The following INPP4B variants were observed in gnomAD, a reference collection of about 807,000 sequenced individuals.
The protein encoded by INPP4B is inositol polyphosphate-4-phosphatase type II B, also known as inositol polyphosphate 4-phosphatase type II.
INPP4B carries 55 observed loss-of-function variants against 122.5 expected under a neutral mutation model. The ratio of observed to expected loss-of-function variants is 0.45; its 90% confidence interval spans 0.36 to 0.56. The LOEUF is 0.56. Ranked by LOEUF, INPP4B falls within the 20% of genes least tolerant of loss-of-function variation. The pLI is 0.00. For missense variants in INPP4B, 1,000 were observed against 1,097.7 expected, an observed-to-expected ratio of 0.91 and a Z score of 1.26; for synonymous variants, 403 against 388.7, an observed-to-expected ratio of 1.04 and a Z score of -0.43.
At chr4:142,132,450 G>A (rs561351312) in intron 18 of INPP4B, among the ~76,000 whole-genome samples, 4 of 152,186 alleles carry the variant, frequency 2.6e-5, no homozygotes, top group Admixed American at 6.5e-5. Flanking sequence ...ATGAGTTAAC[G>A]CAGTCAATAT....
At chr4:142,470,960 T>C (rs1365541600) in intron 2 of INPP4B, among the ~76,000 whole-genome samples, 1 of 152,224 alleles carries the variant, frequency 6.6e-6, no homozygotes, top group African/African-American at 2.4e-5. Flanking sequence ...GTTAGGTCAC[T>C]ATTAAAAAGA....
intron 16 of INPP4B, among the ~76,000 whole-genome samples, chr4:142,171,775 A>G (rs1308712765): frequency 6.6e-6 from 1 of 151,872 alleles, no homozygotes; most frequent in African/African-American, 2.4e-5. Context: ...AAGAGAAAAC[A>G]TAGGGGAAAA....
chr4:142,564,439 C>T (rs1467394463), intron 2 of INPP4B, among the ~76,000 whole-genome samples: 5 of 97,930 alleles, frequency 5.1e-5, no homozygotes, highest in African/African-American at 2.1e-4. Context: ...TAAGGAATGG[C>T]AAAAAAAAAA....
intron 18 of INPP4B, among the ~76,000 whole-genome samples, chr4:142,135,568 G>A (rs1363916916): frequency 3.9e-5 from 6 of 152,106 alleles, no homozygotes; most frequent in Non-Finnish European, 5.9e-5. Flanking sequence ...CTTTGCTCTG[G>A]CTTCTGTCCA....
In INPP4B at chr4:142,234,616, G is replaced by T. The variant is rs547446493; in HGVS notation, c.836+3248C>A. 2.0e-5 allele frequency among the ~76,000 whole-genome samples: 3 copies of T among 152,208 alleles called. No individual in the cohort carries two copies. The South Asian group carries it at 6.2e-4, about 32-fold the overall frequency. On this transcript the variant is annotated intron_variant, in intron 12 of 25. Coordinates refer to ENST00000262992, the MANE Select transcript of INPP4B (RefSeq NM_001101669.3). ...AATTTTTAAATAAATTCTAATGATA[G>T]GAGATTTATACAGAAAAGGTATTGG...
intron 9 of INPP4B, among the ~76,000 whole-genome samples, chr4:142,298,014 T>C (rs1759547892): frequency 6.6e-6 from 1 of 152,202 alleles, no homozygotes; most frequent in Admixed American, 6.5e-5. Context: ...GTCTGGGTAA[T>C]GCAGGTGGTG....
chr4:142,776,013 C>A (rs966209996), intron 1 of INPP4B, among the ~76,000 whole-genome samples: 2 of 152,032 alleles, frequency 1.3e-5, no homozygotes, highest in Non-Finnish European at 2.9e-5. Flanking sequence ...TAAAATATAT[C>A]TATGTCTTTC....
chr4:142,372,080 A>C (rs896931638), intron 7 of INPP4B, among the ~76,000 whole-genome samples: 3 of 152,154 alleles, frequency 2.0e-5, no homozygotes, highest in African/African-American at 7.2e-5. Flanking sequence ...GTGTATATAC[A>C]CAATAAAATA....
intron 15 of INPP4B, among the ~76,000 whole-genome samples, chr4:142,186,352 G>A (rs941802884): frequency 1.3e-5 from 2 of 152,086 alleles, no homozygotes; most frequent in African/African-American, 4.8e-5. Context: ...AGAAAGGTGT[G>A]GTAATCTGAC....
intron 4 of INPP4B, 128 bp from the exon 5 acceptor site, chr4:142,429,345 G>A: frequency 1.8e-6 from 1 of 551,358 alleles, no homozygotes; most frequent in Non-Finnish European, 3.3e-6. Context: ...GAATAAACTT[G>A]GTTTATCAGG....
At chr4:142,635,657 G>T (rs1163225268) in intron 2 of INPP4B, among the ~76,000 whole-genome samples, 1 of 152,100 alleles carries the variant, frequency 6.6e-6, no homozygotes, top group Non-Finnish European at 1.5e-5. Flanking sequence ...GCTAAATGAG[G>T]AGAACACATA....
At chr4:142,713,169 G>C (rs1378720228) in intron 2 of INPP4B, among the ~76,000 whole-genome samples, 1 of 152,198 alleles carries the variant, frequency 6.6e-6, no homozygotes, top group Non-Finnish European at 1.5e-5. Flanking sequence ...TGACTCCCAG[G>C]TTTCTGGCTG....
intron 1 of INPP4B, among the ~76,000 whole-genome samples, chr4:142,837,090 A>C (rs1782883833): frequency 6.6e-6 from 1 of 151,860 alleles, no homozygotes; most frequent in Non-Finnish European, 1.5e-5. Context: ...CTGGAGGCGG[A>C]GGTTACAGTG....
intron 12 of INPP4B, among the ~76,000 whole-genome samples, chr4:142,210,746 C>G (rs1844531528): frequency 6.6e-6 from 1 of 152,010 alleles, no homozygotes; most frequent in Non-Finnish European, 1.5e-5. Context: ...TTATTTAGTA[C>G]TAATAGATGC....
At chr4:142,090,841 A>G (rs777766965) in intron 23 of INPP4B, among the ~76,000 whole-genome samples, 2 of 152,206 alleles carry the variant, frequency 1.3e-5, no homozygotes, top group Non-Finnish European at 2.9e-5. Context: ...AAACCAATAT[A>G]TTAATGCAAA....
At chr4:142,164,747 T>A (rs977935111) in intron 16 of INPP4B, among the ~76,000 whole-genome samples, 3 of 151,698 alleles carry the variant, frequency 2.0e-5, no homozygotes, top group Non-Finnish European at 2.9e-5. Context: ...ATCTTACTTT[T>A]ATTTTTAATT....
At chr4:142,653,027 T>C (rs913462541) in intron 2 of INPP4B, among the ~76,000 whole-genome samples, 8 of 152,148 alleles carry the variant, frequency 5.3e-5, no homozygotes, top group Admixed American at 4.6e-4. Flanking sequence ...AAAACAGATT[T>C]ATAGACCAAT....
chr4:142,353,588 G>A (rs1407179813), intron 7 of INPP4B, among the ~76,000 whole-genome samples: 3 of 151,846 alleles, frequency 2.0e-5, no homozygotes, highest in African/African-American at 4.8e-5. Flanking sequence ...GTATATATAC[G>A]TGCATATACA....
At chr4:142,277,682 T>TACACACACACACACACACACACAC (rs3076592) in intron 9 of INPP4B, among the ~76,000 whole-genome samples, 1 of 147,068 alleles carries the variant, frequency 6.8e-6, no homozygotes, top group Non-Finnish European at 1.5e-5. Flanking sequence ...CACACACACA[T>TACACACACACACACACACACACAC]ACACACACAC....
Sources: allele counts gnomAD v4.1 joint callset (sites outside exome capture counted in the v4.1 genomes callset), GRCh38; gene constraint gnomAD v4.1.1; transcripts MANE v1.5; gene names NCBI Gene and HGNC (gene_info 2026-07-23, HGNC 2026-07-21).